The following ROBO2 variants were observed in gnomAD, a reference collection of about 807,000 sequenced individuals.
ROBO2 encodes the protein roundabout guidance receptor 2.
A neutral mutation model predicts 160.8 loss-of-function variants in ROBO2; 53 were observed. The observed-to-expected ratio is 0.33, with a 90% CI of 0.26 to 0.41. The LOEUF (loss-of-function observed/expected upper bound fraction) is 0.41. ROBO2 is among the 10% of genes least tolerant of loss of function. ROBO2 has a pLI of 1.00. For synonymous variants in ROBO2, 664 were observed against 611.7 expected, an observed-to-expected ratio of 1.09 and a Z score of -1.26; for missense variants, 1,577 against 1,722.4, an observed-to-expected ratio of 0.92 and a Z score of 1.49.
chr3:76,557,888 A>T (rs1452900056), intron 2 of ROBO2, among the ~76,000 whole-genome samples: 1 of 22,930 alleles, frequency 4.4e-5, no homozygotes, highest in African/African-American at 1.9e-4. Context: ...GAATTACTTA[A>T]AAAAAAAAAA....
chr3:77,399,351 G>T (rs1436702600), intron 2 of ROBO2, among the ~76,000 whole-genome samples: 1 of 152,102 alleles, frequency 6.6e-6, no homozygotes, highest in Non-Finnish European at 1.5e-5. Flanking sequence ...CAAGTAGTCA[G>T]GATAAGTTTT....
intron 2 of ROBO2, among the ~76,000 whole-genome samples, chr3:76,607,745 A>AC (rs1388986160): frequency 3.9e-5 from 6 of 152,182 alleles, no homozygotes; most frequent in African/African-American, 1.4e-4. Context: ...AAAAGACATC[A>AC]CCTATCACCC....
chr3:76,978,583 A>AT (rs2059923605), intron 2 of ROBO2, among the ~76,000 whole-genome samples: 1 of 152,096 alleles, frequency 6.6e-6, no homozygotes, highest in African/African-American at 2.4e-5. Flanking sequence ...AGAAATCAAT[A>AT]TTTTTTGGAC....
intron 2 of ROBO2, among the ~76,000 whole-genome samples, chr3:77,214,671 G>A (rs2084676315): frequency 6.6e-6 from 1 of 152,162 alleles, no homozygotes; most frequent in East Asian, 1.9e-4. Flanking sequence ...TTTCTTCCTA[G>A]CCTCAATGGT....
intron 2 of ROBO2, among the ~76,000 whole-genome samples, chr3:76,437,714 G>A (rs2076749461): frequency 6.6e-6 from 1 of 152,106 alleles, no homozygotes; most frequent in Non-Finnish European, 1.5e-5. Context: ...TTTATGCTGT[G>A]AGTCTTGTGC....
At chr3:77,301,741 G>A (rs1389984038) in intron 2 of ROBO2, among the ~76,000 whole-genome samples, 5 of 152,054 alleles carry the variant, frequency 3.3e-5, no homozygotes, top group Admixed American at 1.3e-4. Context: ...AGAAACTAAC[G>A]TTCAAATATT....
chr3:76,083,000 G>A (rs1222507078), intron 2 of ROBO2, among the ~76,000 whole-genome samples: 2 of 152,108 alleles, frequency 1.3e-5, no homozygotes, highest in Non-Finnish European at 2.9e-5. Flanking sequence ...TGGCATATAT[G>A]TAATGAGGGA....
intron 16 of ROBO2, among the ~76,000 whole-genome samples, chr3:77,581,793 T>C (rs868792792): frequency 4.4e-4 from 67 of 152,182 alleles, no homozygotes; most frequent in Admixed American, 2.5e-3. Context: ...GTTAGTATTA[T>C]CAGGTCTTTA....
intron 2 of ROBO2, among the ~76,000 whole-genome samples, chr3:76,130,353 T>C (rs910599123): frequency 2.0e-5 from 3 of 152,148 alleles, no homozygotes; most frequent in African/African-American, 7.2e-5. Flanking sequence ...CCGCTATAAT[T>C]TCATATGATG....
intron 2 of ROBO2, among the ~76,000 whole-genome samples, chr3:76,967,404 G>A (rs1007193806): frequency 2.0e-5 from 3 of 150,192 alleles, no homozygotes; most frequent in African/African-American, 4.9e-5. Context: ...TGGAGTTTCC[G>A]CCATGTTGCC....
At chr3:76,632,882 A>G (rs994498156) in intron 2 of ROBO2, among the ~76,000 whole-genome samples, 4 of 152,202 alleles carry the variant, frequency 2.6e-5, no homozygotes, top group African/African-American at 7.2e-5. Flanking sequence ...CTGTCACGAT[A>G]ACAATACAAT....
chr3:77,316,225 A>G (rs886262607), intron 2 of ROBO2, among the ~76,000 whole-genome samples: 2 of 152,112 alleles, frequency 1.3e-5, no homozygotes, highest in Non-Finnish European at 2.9e-5. Flanking sequence ...CCACCCCAAA[A>G]TGGCACGGAA....
At chr3:77,479,241 A>G (rs2084391003) in intron 3 of ROBO2, among the ~76,000 whole-genome samples, 1 of 152,236 alleles carries the variant, frequency 6.6e-6, no homozygotes, top group Non-Finnish European at 1.5e-5. Context: ...ATAAAGTCTC[A>G]GATAACAACC....
At chr3:76,919,561 C>G (rs1434897933) in intron 2 of ROBO2, among the ~76,000 whole-genome samples, 1 of 151,998 alleles carries the variant, frequency 6.6e-6, no homozygotes, top group African/African-American at 2.4e-5. Flanking sequence ...TACAAGGAAA[C>G]AATCATGACT....
chr3:76,926,970 C>G (rs2077028544), intron 2 of ROBO2, among the ~76,000 whole-genome samples: 1 of 151,944 alleles, frequency 6.6e-6, no homozygotes, highest in Non-Finnish European at 1.5e-5. Context: ...TAAATTTACT[C>G]TTATAAAATT....
intron 2 of ROBO2, among the ~76,000 whole-genome samples, chr3:76,971,579 C>T (rs1038997526): frequency 6.6e-6 from 1 of 152,086 alleles, no homozygotes; most frequent in Non-Finnish European, 1.5e-5. Context: ...AAAGGGTACA[C>T]CTGTAAACAT....
intron 1 of ROBO2, among the ~76,000 whole-genome samples, chr3:77,044,351 C>G (rs2064409403): frequency 6.6e-6 from 1 of 152,140 alleles, no homozygotes; most frequent in African/African-American, 2.4e-5. Context: ...CTAGTAATAT[C>G]TGCTGAAATA....
chr3:76,154,811 G>C (rs2072341332), intron 2 of ROBO2, among the ~76,000 whole-genome samples: 1 of 152,086 alleles, frequency 6.6e-6, no homozygotes, highest in East Asian at 1.9e-4. Context: ...TTTCCAGGCA[G>C]ACAAATATGT....
intron 2 of ROBO2, among the ~76,000 whole-genome samples, chr3:77,415,901 C>T (rs570787167): frequency 2.6e-5 from 4 of 152,288 alleles, no homozygotes; most frequent in South Asian, 2.1e-4. Context: ...ACAGCTTGTT[C>T]GTTCCTGCAG....
Sources: gnomAD v4.1 joint callset for allele counts (sites outside exome capture counted in the v4.1 genomes callset) on GRCh38, gnomAD v4.1.1 for gene constraint, MANE v1.5 for transcripts, NCBI Gene and HGNC (gene_info 2026-07-23, HGNC 2026-07-21) for gene names.